DOCK4: variants seen among roughly 807,000 people sequenced by gnomAD.
DOCK4 encodes the protein dedicator of cytokinesis 4, also known as dedicator of cytokinesis protein 4.
Under a neutral mutation model 268.1 loss-of-function variants are expected in DOCK4, and 97 were observed. The observed-to-expected ratio is 0.36, with a 90% CI of 0.31 to 0.43. The LOEUF (loss-of-function observed/expected upper bound fraction) is 0.43. Among genes scored for constraint, DOCK4 ranks in the 20% least tolerant of loss-of-function variants. DOCK4 has a pLI of 1.00. For missense variants in DOCK4, 2,145 were observed against 2,455.7 expected, an observed-to-expected ratio of 0.87 and a Z score of 2.67; for synonymous variants, 954 against 887.2, an observed-to-expected ratio of 1.08 and a Z score of -1.34.
chr7:111,996,858 GGA>G (rs1332366143), intron 4 of DOCK4, among the ~76,000 whole-genome samples: 2 of 152,184 alleles, frequency 1.3e-5, no homozygotes, highest in Non-Finnish European at 2.9e-5. Context: ...TCACTTTGAG[GGA>G]TAGACTTTGA....
At chr7:111,901,947 T>C in intron 13 of DOCK4, 146 bp from the exon 14 acceptor site, 1 of 614,704 alleles carries the variant, frequency 1.6e-6, no homozygotes, top group South Asian at 2.3e-5. Context: ...TATAAAAGTG[T>C]CCTCACCCTT....
intron 39 of DOCK4, among the ~76,000 whole-genome samples, chr7:111,763,147 A>G (rs1797561896): frequency 6.6e-6 from 1 of 152,062 alleles, no homozygotes; most frequent in Non-Finnish European, 1.5e-5. Flanking sequence ...GCTAAAAATT[A>G]TCTTGGAAAT....
intron 28 of DOCK4, 51 bp downstream of exon 28, chr7:111,811,823 C>T (rs943732451): frequency 1.9e-6 from 2 of 1,078,070 alleles, no homozygotes; most frequent in Non-Finnish European, 2.7e-6. Flanking sequence ...TCCTATAATA[C>T]AATGTGATTC....
chr7:111,983,049 G>T (rs1430119656), intron 7 of DOCK4, among the ~76,000 whole-genome samples: 1 of 152,042 alleles, frequency 6.6e-6, no homozygotes, highest in Non-Finnish European at 1.5e-5. Context: ...GTTTAGTACT[G>T]ATGTCATGAA....
intron 23 of DOCK4, among the ~76,000 whole-genome samples, chr7:111,848,537 A>C (rs1037804813): frequency 6.6e-6 from 1 of 152,152 alleles, no homozygotes; most frequent in Non-Finnish European, 1.5e-5. Context: ...CTCCCTGAGG[A>C]AATCAGATAT....
chr7:111,887,065 A>C (rs896995004), intron 16 of DOCK4, among the ~76,000 whole-genome samples: 4 of 152,202 alleles, frequency 2.6e-5, no homozygotes, highest in Admixed American at 2.6e-4. Context: ...GAAAAATCTC[A>C]GGTGGTTCTA....
At chr7:112,196,058 G>A (rs373741763) in intron 1 of DOCK4, among the ~76,000 whole-genome samples, 1 of 152,166 alleles carries the variant, frequency 6.6e-6, no homozygotes, top group African/African-American at 2.4e-5. Flanking sequence ...TCATTGCTAA[G>A]TGACAGATGC....
At chr7:112,103,686 A>G (rs1417115364) in intron 1 of DOCK4, among the ~76,000 whole-genome samples, 1 of 152,180 alleles carries the variant, frequency 6.6e-6, no homozygotes, top group African/African-American at 2.4e-5. Flanking sequence ...GTTCAAGACC[A>G]GCCTGGCAAA....
chr7:111,803,341 C>G (rs1418258469), intron 30 of DOCK4, among the ~76,000 whole-genome samples: 3 of 152,170 alleles, frequency 2.0e-5, no homozygotes, highest in African/African-American at 4.8e-5. Flanking sequence ...TGTATGGCAA[C>G]AGCAAAATAA....
chr7:112,016,055 G>C (rs1383432360), intron 1 of DOCK4, among the ~76,000 whole-genome samples: 1 of 152,080 alleles, frequency 6.6e-6, no homozygotes, highest in African/African-American at 2.4e-5. Flanking sequence ...GTTTTGGAGG[G>C]GACAAAAACA....
At chr7:111,767,221 C>T (rs1221370482) in intron 37 of DOCK4, 103 bp from the exon 38 acceptor site, 8 of 796,166 alleles carry the variant, frequency 1.0e-5, no homozygotes, top group Non-Finnish European at 1.6e-5. Context: ...AGCCTTACTC[C>T]TTAATCTTTT....
intron 13 of DOCK4, among the ~76,000 whole-genome samples, chr7:111,909,426 T>C (rs1791903431): frequency 6.6e-6 from 1 of 152,224 alleles, no homozygotes; most frequent in Non-Finnish European, 1.5e-5. Flanking sequence ...TAGTCAACTT[T>C]GACCAAATAG....
intron 31 of DOCK4, chr7:111,789,396 T>C (rs1799384058): frequency 6.5e-6 from 1 of 152,702 alleles, no homozygotes; most frequent in Admixed American, 6.5e-5. Context: ...TATCCCTTTA[T>C]CTATGTCTAT....
At chr7:112,124,330 T>A (rs1339193359) in intron 1 of DOCK4, among the ~76,000 whole-genome samples, 2 of 152,216 alleles carry the variant, frequency 1.3e-5, no homozygotes, top group Non-Finnish European at 2.9e-5. Context: ...CCAAACATTT[T>A]AAGTGATATA....
At chr7:111,999,165 C>G (rs770264386) in intron 3 of DOCK4, among the ~76,000 whole-genome samples, 1 of 152,046 alleles carries the variant, frequency 6.6e-6, no homozygotes, top group Non-Finnish European at 1.5e-5. Flanking sequence ...AAAAAATGAG[C>G]ATCAATTTGA....
intron 1 of DOCK4, among the ~76,000 whole-genome samples, chr7:112,004,398 G>C (rs1800686572): frequency 6.6e-6 from 1 of 152,054 alleles, no homozygotes; most frequent in African/African-American, 2.4e-5. Flanking sequence ...CTCAATAATA[G>C]ATATAAACAA....
intron 1 of DOCK4, among the ~76,000 whole-genome samples, chr7:112,157,563 G>A (rs1254756057): frequency 6.6e-6 from 1 of 152,124 alleles, no homozygotes; most frequent in Non-Finnish European, 1.5e-5. Flanking sequence ...GATAATGTAA[G>A]GAAAACTCTC....
intron 1 of DOCK4, among the ~76,000 whole-genome samples, chr7:112,098,673 AATT>A (rs1810381259): frequency 6.7e-6 from 1 of 149,694 alleles, no homozygotes; most frequent in Non-Finnish European, 1.5e-5. Flanking sequence ...AATTTTATGT[AATT>A]ATATAGATTA....
In DOCK4 at chr7:111,726,738, A is replaced by C. The variant is rs558587193; in HGVS notation, c.*1536T>G. 1 of 152,788 alleles carries C rather than the reference A, an allele frequency of 6.5e-6. No individual in the cohort carries two copies. Among genetic ancestry groups the C allele is most frequent in the East Asian group, 1.9e-4 (1 of 5,192 alleles). The allele number at this position is 152,788 out of a possible 1,614,324, so 9.5% of individuals were successfully genotyped here. On this transcript the variant is annotated 3_prime_UTR_variant, in exon 53 of 53. Coordinates refer to ENST00000428084, the MANE Select transcript of DOCK4 (RefSeq NM_001363540.2). ...AGTATTTGGCATAATTATAACAATCATACTGCATCAACAACTGTTTGCGTT... is the reference window on the plus strand; with the variant it reads ...AGTATTTGGCATAATTATAACAATCCTACTGCATCAACAACTGTTTGCGTT...
Sources: gnomAD v4.1 joint callset for allele counts (sites outside exome capture counted in the v4.1 genomes callset) on GRCh38, gnomAD v4.1.1 for gene constraint, MANE v1.5 for transcripts, NCBI Gene and HGNC (gene_info 2026-07-23, HGNC 2026-07-21) for gene names.